The following TBC1D1 variants were observed in gnomAD, a reference collection of about 807,000 sequenced individuals.
TBC1D1 encodes the protein TBC1 domain family member 1, also known as TBC1 (tre-2/USP6, BUB2, cdc16) domain family, member 1.
TBC1D1 carries 89 observed loss-of-function variants against 125.6 expected under a neutral mutation model. The observed-to-expected ratio is 0.71, with a 90% confidence interval of 0.60 to 0.85. The LOEUF (loss-of-function observed/expected upper bound fraction) is 0.85. TBC1D1 is among the 40% of genes least tolerant of loss of function. The pLI, the probability that TBC1D1 is intolerant of heterozygous loss-of-function variation, is 0.00. For missense variants in TBC1D1, 1,377 were observed against 1,469.2 expected, an observed-to-expected ratio of 0.94 and a Z score of 1.03; for synonymous variants, 565 against 564.1, an observed-to-expected ratio of 1.00 and a Z score of -0.02.
chr4:38,048,164 C>A (rs192890567), intron 10 of TBC1D1, among the ~76,000 whole-genome samples: 18 of 152,234 alleles, frequency 1.2e-4, no homozygotes, highest in African/African-American at 3.1e-4. Context: ...CTACTATATT[C>A]TATTTTATGT....
At chr4:38,001,233 A>G (rs962758019) in intron 2 of TBC1D1, among the ~76,000 whole-genome samples, 1 of 151,602 alleles carries the variant, frequency 6.6e-6, no homozygotes, top group Non-Finnish European at 1.5e-5. Context: ...AAAAGAAAGA[A>G]AGAAAGAAAG....
At chr4:38,110,865 G>A in intron 15 of TBC1D1, 7 of 960,144 alleles carry the variant, frequency 7.3e-6, no homozygotes, top group Non-Finnish European at 7.4e-6. Flanking sequence ...GTGTCTTCCC[G>A]AGCTAGCATG....
At position 38,014,644 on chromosome 4, in the gene TBC1D1, C is replaced by T; in HGVS notation, c.553C>T (p.His185Tyr). 2 of 1,613,308 alleles carry T rather than the reference C, an allele frequency of 1.2e-6. No individual in the cohort carries two copies. The highest frequency in any genetic ancestry group is 8.5e-7 in the Non-Finnish European group (1 of 1,180,034). Residue 185 changes from histidine to tyrosine, a missense_variant, in exon 3 of 20, where the codon CAC (histidine) becomes TAC (tyrosine). Physicochemically the swap from His to Tyr is moderately conservative, Grantham distance 83. This residue lies in a region of TBC1D1 where 822 missense variants were observed against 824.6 expected (regional missense o/e 1.00). Transcript: ENST00000261439. The surrounding 1 kb of genome is among the most constrained non-coding windows in gnomAD (Gnocchi z 5.1). ...CTTCTGCGGCCGCGTGACGGTGGCG[C>T]ACAAGAAGGCTCCGCCGGCCCTGAT...
intron 12 of TBC1D1, among the ~76,000 whole-genome samples, chr4:38,070,256 C>T (rs1754473414): frequency 6.6e-6 from 1 of 152,212 alleles, no homozygotes; most frequent in South Asian, 2.1e-4. Context: ...TGTCAAAGAT[C>T]CCTCTGCTAG....
rs566229107 is a variant in TBC1D1 at position 37,985,014 on chromosome 4, G to A, written c.418-29495G>A. The stretch of plus-strand genomic sequence containing the variant: ...GTCACCCAGGCTGGAGTGCAGTGGC[G>A]TGATCTCGGCTCACTGCAACCTCTG... On this transcript the variant is annotated intron_variant, in intron 2 of 19. Coordinates refer to ENST00000261439, the MANE Select transcript of TBC1D1 (RefSeq NM_015173.4). Among the ~76,000 whole-genome samples the A allele has an allele frequency of 1.0e-3, 152 of 151,858 alleles. 1 individual carries two copies. Among genetic ancestry groups the A allele is most frequent in the African/African-American group, 3.4e-3 (140 of 41,416 alleles).
chr4:37,946,732 G>C (rs931159347), intron 2 of TBC1D1, among the ~76,000 whole-genome samples: 2 of 152,162 alleles, frequency 1.3e-5, no homozygotes, highest in Admixed American at 6.5e-5. Flanking sequence ...TCTGGAGAAG[G>C]CATGAGAAAG....
intron 2 of TBC1D1, among the ~76,000 whole-genome samples, chr4:37,972,335 G>C (rs889187726): frequency 6.6e-6 from 1 of 151,902 alleles, no homozygotes; most frequent in Non-Finnish European, 1.5e-5. Flanking sequence ...TACAAAATTA[G>C]CCAGGTGTGA....
At chr4:37,944,612 A>G (rs1726271424) in intron 2 of TBC1D1, among the ~76,000 whole-genome samples, 1 of 152,162 alleles carries the variant, frequency 6.6e-6, no homozygotes, top group Non-Finnish European at 1.5e-5. Flanking sequence ...GCGAGGGTCC[A>G]TGGGTGTGGA....
chr4:38,117,811 C>T (rs1034762738), intron 16 of TBC1D1, among the ~76,000 whole-genome samples: 6 of 152,204 alleles, frequency 3.9e-5, no homozygotes, highest in East Asian at 1.9e-4. Context: ...GAAGACCCAG[C>T]GTTAGCGTCC....
intron 3 of TBC1D1, 84 bp from the exon 4 acceptor site, chr4:38,018,270 G>T: frequency 1.0e-6 from 1 of 997,108 alleles, no homozygotes; most frequent in Non-Finnish European, 1.5e-6. Flanking sequence ...AATTTTATAG[G>T]AGCTTGTCCC....
intron 2 of TBC1D1, among the ~76,000 whole-genome samples, chr4:37,959,994 A>G (rs75193667): frequency 0.076 from 11,567 of 152,310 alleles, 597 homozygotes; most frequent in Non-Finnish European, 0.1. Flanking sequence ...TAAAAAATGG[A>G]AGACTTGCAT....
chr4:38,003,888 G>A (rs991204483), intron 2 of TBC1D1, among the ~76,000 whole-genome samples: 2 of 149,806 alleles, frequency 1.3e-5, no homozygotes, highest in African/African-American at 4.9e-5. Flanking sequence ...AAAAAAAAGA[G>A]TTGGCCTTTT....
rs192232531 is a variant in TBC1D1 at position 38,039,044 on chromosome 4, T to C, written c.1413+3346T>C. Among the ~76,000 whole-genome samples, 12 of 151,434 alleles carry C rather than the reference T, an allele frequency of 7.9e-5. No individual in the cohort carries two copies. The South Asian group carries it at 8.4e-4, about 11-fold the overall frequency. ...TTCCCCCAGGTAACCACTGTTTTGA[T>C]TTTTTTCACCTTAGATTAGTTTTGC... is the stretch of plus-strand genomic sequence containing the variant. On this transcript the variant is annotated intron_variant, in intron 8 of 19. Transcript: ENST00000261439.
At chr4:38,059,902 T>C (rs1041934220) in intron 12 of TBC1D1, among the ~76,000 whole-genome samples, 5 of 152,220 alleles carry the variant, frequency 3.3e-5, no homozygotes, top group East Asian at 1.9e-4. Context: ...CAGGCTCCAG[T>C]GTTTGTTGTT....
chr4:37,992,300 A>G lies in TBC1D1; in HGVS notation c.418-22209A>G, dbSNP rs114841215. Among the ~76,000 whole-genome samples, 1,229 of 152,174 alleles carry G rather than the reference A, an allele frequency of 8.1e-3. 12 individuals carry two copies. Among genetic ancestry groups the G allele is most frequent in the African/African-American group, 0.028 (1,175 of 41,516 alleles). Reference sequence around the variant, plus strand: ...CGCTTGAGGTTTTGGGCTCGTGGTGAGAGAATATACACCCAAAGAGCTGAG... The same window carrying G: ...CGCTTGAGGTTTTGGGCTCGTGGTGGGAGAATATACACCCAAAGAGCTGAG... On this transcript the variant is annotated intron_variant, in intron 2 of 19. Transcript: ENST00000261439.
chr4:38,028,414 T>C (rs181905770), intron 7 of TBC1D1, among the ~76,000 whole-genome samples: 2 of 152,362 alleles, frequency 1.3e-5, no homozygotes, highest in Non-Finnish European at 2.9e-5. Context: ...TCTGCCTGCC[T>C]TGGCCTCCCA....
intron 2 of TBC1D1, among the ~76,000 whole-genome samples, chr4:37,978,225 T>G (rs779708916): frequency 2.6e-5 from 4 of 152,220 alleles, no homozygotes; most frequent in Non-Finnish European, 1.5e-5. Flanking sequence ...GAGAACACAG[T>G]AATAGCATCA....
At chr4:38,083,952 T>TTTTTTTTC (rs1553933785) in intron 12 of TBC1D1, among the ~76,000 whole-genome samples, 1 of 150,976 alleles carries the variant, frequency 6.6e-6, no homozygotes, top group African/African-American at 2.4e-5. Context: ...TTTTTTTTTT[T>TTTTTTTTC]CTTGAGACAG....
intron 13 of TBC1D1, 124 bp downstream of exon 15, chr4:38,090,241 C>G: frequency 5.7e-6 from 5 of 870,952 alleles, no homozygotes; most frequent in Non-Finnish European, 9.0e-6. Flanking sequence ...ATACATCTAT[C>G]TATATCTGTT....
Sources: allele counts gnomAD v4.1 joint callset (sites outside exome capture counted in the v4.1 genomes callset), GRCh38; gene constraint gnomAD v4.1.1; regional missense constraint gnomAD v4.1.1; non-coding constraint Gnocchi (gnomAD v3.1); transcripts MANE v1.5; gene names NCBI Gene and HGNC (gene_info 2026-07-23, HGNC 2026-07-21).